Variants in KANSL3 observed in about 807,000 individuals in gnomAD.
The protein encoded by KANSL3 is KAT8 regulatory NSL complex subunit 3.
A neutral mutation model predicts 89.2 loss-of-function variants in KANSL3; 16 were observed. That is an observed-to-expected ratio of 0.18 (90% CI 0.12 to 0.27). The LOEUF (loss-of-function observed/expected upper bound fraction) is 0.27, where lower values mean the gene tolerates loss of function less well. KANSL3 is among the 10% of genes least tolerant of loss of function. The pLI is 1.00. For missense variants in KANSL3, 879 were observed against 1,110.6 expected (o/e 0.79, Z 2.96); for synonymous variants, 385 against 419.7 (o/e 0.92, Z 1.01).
intron 9 of KANSL3, among the ~76,000 whole-genome samples, chr2:96,611,903 A>ATATGTGTGTGTGTGTGTG (rs376030964): frequency 0.036 from 4,049 of 113,226 alleles, 132 homozygotes; most frequent in South Asian, 0.11. Context: ...ATATACCCAT[A>ATATGTGTGTGTGTGTGTG]TGTGTGTGTG....
intron 3 of KANSL3, chr2:96,628,383 G>A: frequency 2.5e-6 from 1 of 402,350 alleles, no homozygotes; most frequent in Non-Finnish European, 3.4e-6. Flanking sequence ...AAGTGCAGTG[G>A]CTCACACCTA....
rs766078989 is a variant in KANSL3 at position 96,608,554 on chromosome 2, T to G, written c.1695A>C (p.Arg565Ser). The G allele has an allele frequency of 1.3e-5, 21 of 1,613,894 alleles. No individual in the cohort carries two copies. In the South Asian group the frequency reaches 2.3e-4, roughly 18 times the overall value. The change falls in exon 14 of 21, where the codon AGA becomes AGC. Residue 565 changes from arginine (R) to serine (S), a missense_variant. Around this residue, in one of 6 missense-constraint regions of KANSL3, gnomAD observed 317 missense variants for 311.2 expected, o/e 1.02. Coordinates refer to ENST00000431828, the MANE Select transcript of KANSL3 (RefSeq NM_001115016.3). The part of the protein sequence containing the change: ...SQIGSSQLLK[R>S]HVQRTEAVLT... ...GCACAGCTTCTGTCCGCTGCACATG[T>G]CTCTTCAGCAGCTGAGAACTTCCAA...
intron 15 of KANSL3, 148 bp downstream of exon 15, chr2:96,605,172 T>C (rs2067791376): frequency 4.3e-6 from 3 of 701,700 alleles, no homozygotes; most frequent in Admixed American, 6.0e-5. Context: ...ATGCCAACTT[T>C]ACCCACATGT....
rs1380661607 is a variant in KANSL3, at chr2:96,613,670, C to T, written c.664-51G>A. On this transcript the variant is annotated intron_variant, in intron 5 of 20. Coordinates refer to ENST00000431828, the MANE Select transcript of KANSL3 (RefSeq NM_001115016.3). ...ACTCCAGTGTAAAGCAGGAGACCTT[C>T]CACCACCAGCAATCAAGCAGAAGAA... 89 of 1,569,278 alleles carry T rather than the reference C, an allele frequency of 5.7e-5. 1 individual carries two copies. Among genetic ancestry groups the T allele is most frequent in the Non-Finnish European group, 6.8e-5 (78 of 1,148,324 alleles).
At chr2:96,610,694 GC>G (rs2068777634) in intron 11 of KANSL3, 31 bp downstream of exon 11, 1 of 1,610,834 alleles carries the variant, frequency 6.2e-7, no homozygotes, top group Non-Finnish European at 8.5e-7. Context: ...CTGTAACACA[GC>G]TCTCTTGCAG....
chr2:96,637,790 C>G (rs966282673), intron 1 of KANSL3, among the ~76,000 whole-genome samples: 2 of 152,238 alleles, frequency 1.3e-5, no homozygotes, highest in African/African-American at 2.4e-5. Flanking sequence ...AACTGCCCCC[C>G]CAACAAAGCC....
the KANSL3 span, among the ~76,000 whole-genome samples, chr2:96,584,139 G>T: frequency 2.6e-5 from 4 of 152,106 alleles, no homozygotes; most frequent in African/African-American, 9.7e-5. Flanking sequence ...CATTTTATCT[G>T]AGTCTGTGGT....
At chr2:96,634,635 T>C (rs891258343) in intron 2 of KANSL3, among the ~76,000 whole-genome samples, 4 of 152,238 alleles carry the variant, frequency 2.6e-5, no homozygotes, top group African/African-American at 9.6e-5. Flanking sequence ...GTCTAGTGGC[T>C]ACCTGCCAAA....
At chr2:96,616,265 G>A (rs766576338) in intron 5 of KANSL3, among the ~76,000 whole-genome samples, 27 of 152,236 alleles carry the variant, frequency 1.8e-4, no homozygotes, top group Non-Finnish European at 2.6e-4. Flanking sequence ...ACACTTTGAG[G>A]CAAAGGATGT....
intron 1 of KANSL3, among the ~76,000 whole-genome samples, chr2:96,637,665 C>G (rs1049248600): frequency 9.2e-5 from 14 of 152,332 alleles, no homozygotes; most frequent in African/African-American, 3.4e-4. Context: ...CAACGCCGGC[C>G]TCAAAAAAGC....
chr2:96,593,995 C>T lies in KANSL3; in HGVS notation c.*1616G>A, dbSNP rs1321120630. Reference sequence around the variant, plus strand: ...TGAATCCCTGTTGAGATCAGCTTTTCAGGTCAGGGAGGGAAGGTATGGGGT... The same window carrying T: ...TGAATCCCTGTTGAGATCAGCTTTTTAGGTCAGGGAGGGAAGGTATGGGGT... On this transcript the variant is annotated 3_prime_UTR_variant, in exon 21 of 21. Transcript: ENST00000431828. 1 of 152,222 alleles carries T rather than the reference C, an allele frequency of 6.6e-6. No homozygotes were observed. The highest frequency in any genetic ancestry group is 1.5e-5 in the Non-Finnish European group (1 of 68,080). The allele number at this position is 152,222 out of a possible 1,614,324, so 9.4% of individuals were successfully genotyped here. A position where few individuals can be genotyped will look rare whatever the true frequency, so the allele number is the denominator to read the frequency against.
chr2:96,609,166 C>T, intron 12 of KANSL3, 102 bp from the exon 13 acceptor site: 1 of 1,057,068 alleles, frequency 9.5e-7, no homozygotes, highest in Non-Finnish European at 1.4e-6. Flanking sequence ...TCAGCTCTGG[C>T]ATCCGCATGT....
intron 11 of KANSL3, 109 bp from the exon 12 acceptor site, chr2:96,609,671 A>C (rs778942582): frequency 1.3e-5 from 14 of 1,054,102 alleles, no homozygotes; most frequent in Non-Finnish European, 2.1e-5. Context: ...CCCCAGAAGG[A>C]GGGCCATGTT....
chr2:96,611,156 G>C lies in KANSL3; in HGVS notation c.1087-18C>G. 6.2e-7 allele frequency: 1 copy of C among 1,611,104 alleles called. No individual in the cohort carries two copies. The highest frequency in any genetic ancestry group is 8.5e-7 in the Non-Finnish European group (1 of 1,177,282). ...ACTGACACCTGTAAATAACAGAACA[G>C]TTTGTCTAAACGTCAACTGAGTTCA... On this transcript the variant is annotated intron_variant, in intron 9 of 20. Coordinates refer to ENST00000431828, the MANE Select transcript of KANSL3 (RefSeq NM_001115016.3).
In KANSL3 at chr2:96,601,628, T is replaced by G; in HGVS notation, c.2616+15A>C. ...TAATGAAGCCCATGTCCTCAGTCCT[T>G]CCTGGCAGACTCACCTGTGAGCTGG... On this transcript the variant is annotated intron_variant, in intron 20 of 20. Coordinates refer to ENST00000431828, the MANE Select transcript of KANSL3 (RefSeq NM_001115016.3). 1 of 1,612,596 alleles carries G rather than the reference T, an allele frequency of 6.2e-7. No individual in the cohort carries two copies. Among genetic ancestry groups the G allele is most frequent in the East Asian group, 2.2e-5 (1 of 44,840 alleles).
chr2:96,588,633 C>T (rs2066256433), downstream of KANSL3, among the ~76,000 whole-genome samples: 1 of 152,094 alleles, frequency 6.6e-6, no homozygotes. Context: ...CTCTGTCACC[C>T]AGGCTGAAGT....
chr2:96,610,127 C>T (rs1039953226), intron 11 of KANSL3, among the ~76,000 whole-genome samples: 4 of 151,834 alleles, frequency 2.6e-5, no homozygotes, highest in Non-Finnish European at 5.9e-5. Context: ...AAACATGAGT[C>T]TGTAAATTAC....
chr2:96,629,067 A>AG (rs2072906814), intron 3 of KANSL3, among the ~76,000 whole-genome samples: 1 of 152,192 alleles, frequency 6.6e-6, no homozygotes, highest in African/African-American at 2.4e-5. Flanking sequence ...GCAGAGATGA[A>AG]GGGGGGATAT....
intron 3 of KANSL3, among the ~76,000 whole-genome samples, chr2:96,622,635 A>C (rs984912268): frequency 6.6e-6 from 1 of 152,222 alleles, no homozygotes; most frequent in Non-Finnish European, 1.5e-5. Flanking sequence ...TCCTTTGCTC[A>C]AAGTCCTTCA....
Sources: allele counts gnomAD v4.1 joint callset (sites outside exome capture counted in the v4.1 genomes callset), GRCh38; gene constraint gnomAD v4.1.1; regional missense constraint gnomAD v4.1.1; transcripts MANE v1.5; gene names NCBI Gene and HGNC (gene_info 2026-07-23, HGNC 2026-07-21).